SRGAP2: variants seen among roughly 807,000 people sequenced by gnomAD.
SRGAP2 encodes SLIT-ROBO Rho GTPase-activating protein 2.
SRGAP2 carries 15 observed loss-of-function variants against 57.2 expected under a neutral mutation model. The observed-to-expected ratio is 0.26, with a 90% CI of 0.18 to 0.40. The LOEUF (loss-of-function observed/expected upper bound fraction) is 0.40. Among genes scored for constraint, SRGAP2 ranks in the 10% least tolerant of loss-of-function variants. The pLI, the probability that SRGAP2 is intolerant of heterozygous loss-of-function variation, is 1.00. For synonymous variants in SRGAP2, 249 were observed against 248.0 expected (o/e 1.00, Z -0.04); for missense variants, 520 against 669.6 (o/e 0.78, Z 2.47).
rs1351567385 is a variant in SRGAP2 at position 206,221,364 on chromosome 1, T to C, written c.67+15327T>C. On this transcript the variant is annotated intron_variant, in intron 2 of 22. Transcript: ENST00000573034. Reference sequence around the variant, plus strand: ...TTTCTGTTGATTATAACACAATGCCTGAAACTGGGTAATTTGCAAAGAAAC... The same window carrying C: ...TTTCTGTTGATTATAACACAATGCCCGAAACTGGGTAATTTGCAAAGAAAC... Among the ~76,000 whole-genome samples the C allele has an allele frequency of 6.6e-5, 10 of 151,240 alleles. 1 individual carries two copies. The highest frequency in any genetic ancestry group is 3.4e-3 in the Middle Eastern group (1 of 292).
chr1:206,430,911 A>G (rs868974216), intron 14 of SRGAP2, among the ~76,000 whole-genome samples: 3 of 152,194 alleles, frequency 2.0e-5, no homozygotes. Flanking sequence ...CAGGGATTAG[A>G]GTGTTTATAA....
At chr1:206,253,573 C>CTTTTTTTTTTTT (rs71264673) in intron 2 of SRGAP2, among the ~76,000 whole-genome samples, 3 of 101,664 alleles carry the variant, frequency 3.0e-5, no homozygotes, top group African/African-American at 7.6e-5. Context: ...TTCTTTCTTT[C>CTTTTTTTTTTTT]TTTTTTTTTT....
chr1:206,385,759 C>A (rs1402415194), intron 5 of SRGAP2, among the ~76,000 whole-genome samples: 1 of 152,162 alleles, frequency 6.6e-6, no homozygotes, highest in African/African-American at 2.4e-5. Flanking sequence ...GCTGCTACCT[C>A]TGACTGCAGA....
chr1:206,281,801 T>G (rs1342655588), intron 2 of SRGAP2, among the ~76,000 whole-genome samples: 1 of 114,330 alleles, frequency 8.7e-6, no homozygotes, highest in African/African-American at 4.1e-5. Context: ...AGACTCTGTC[T>G]CAAAAAACAA....
At chr1:206,205,240 A>C (rs1257400870) in intron 1 of SRGAP2, 189 bp from the exon 2 acceptor site, 1 of 150,212 alleles carries the variant, frequency 6.7e-6, no homozygotes, top group East Asian at 2.0e-4. Flanking sequence ...GTTTTCTTTC[A>C]GCCTTAAAAT....
At chr1:206,295,144 TG>T (rs1671518344) in intron 2 of SRGAP2, among the ~76,000 whole-genome samples, 1 of 145,364 alleles carries the variant, frequency 6.9e-6, no homozygotes, top group African/African-American at 2.6e-5. Context: ...TCCACAAACT[TG>T]GAGGCCTACT....
chr1:206,440,871 T>G (rs1449475872), intron 17 of SRGAP2, among the ~76,000 whole-genome samples: 2 of 152,160 alleles, frequency 1.3e-5, no homozygotes, highest in Non-Finnish European at 2.9e-5. Context: ...GTGTATTTTA[T>G]TTTTTTAAAA....
intron 17 of SRGAP2, among the ~76,000 whole-genome samples, 200 bp from the exon 18 acceptor site, chr1:206,445,875 C>T (rs1553373545): frequency 1.3e-5 from 2 of 152,198 alleles, no homozygotes; most frequent in Admixed American, 1.3e-4. Context: ...CTCTAGTTTG[C>T]ATTTCCTGAG....
At chr1:206,230,307 C>A (rs574612419) in intron 2 of SRGAP2, among the ~76,000 whole-genome samples, 1 of 146,954 alleles carries the variant, frequency 6.8e-6, no homozygotes, top group African/African-American at 2.5e-5. Flanking sequence ...TAATTAATTA[C>A]GGAAATGCCT....
In SRGAP2 at chr1:206,417,786, C is replaced by A. The variant is rs369375614; in HGVS notation, c.1442-1587C>A. 1.1e-4 allele frequency among the ~76,000 whole-genome samples: 16 copies of A among 151,862 alleles called. No individual in the cohort carries two copies. The East Asian group carries it at 2.3e-3, about 22-fold the overall frequency. ...AGCTGGTTAGATAATTTCTATTCTT[C>A]TTCCTCACCACCGAAAGGACTCAGA... On this transcript the variant is annotated intron_variant, in intron 11 of 22. Transcript: ENST00000573034.
chr1:206,294,815 G>C (rs1671498022), intron 2 of SRGAP2, among the ~76,000 whole-genome samples: 1 of 151,696 alleles, frequency 6.6e-6, no homozygotes, highest in African/African-American at 2.4e-5. Flanking sequence ...CATTCATCAT[G>C]ACACAAACAT....
chr1:206,205,104 C>T (rs1665791177), intron 1 of SRGAP2: 2 of 152,104 alleles, frequency 1.3e-5, no homozygotes, highest in East Asian at 1.9e-4. Context: ...GGGAGGGCTC[C>T]CTCGGGCTGG....
intron 4 of SRGAP2, among the ~76,000 whole-genome samples, chr1:206,362,526 A>C (rs1676991019): frequency 6.7e-6 from 1 of 149,832 alleles, no homozygotes; most frequent in African/African-American, 2.5e-5. Context: ...GTTGGAGGAA[A>C]GAGGCTCTTG....
intron 10 of SRGAP2, among the ~76,000 whole-genome samples, chr1:206,415,299 T>C (rs1404995894): frequency 6.6e-6 from 1 of 152,254 alleles, no homozygotes; most frequent in South Asian, 2.1e-4. Flanking sequence ...GATGTGTGTA[T>C]GCAAGTCGGG....
At position 206,250,513 on chromosome 1, in the gene SRGAP2, C is replaced by T. The variant is rs368427836; in HGVS notation, c.67+44476C>T. Among the ~76,000 whole-genome samples the T allele has an allele frequency of 2.6e-3, 263 of 99,390 alleles. 61 individuals carry two copies. The highest frequency in any genetic ancestry group is 0.017 in the South Asian group (43 of 2,492). 65.2% of individuals were successfully genotyped at this position (99,390 alleles called of 152,430 possible). ...GGGTGAGTACTGTGAATGGGAACTACCCCAGATGTGTCAGGAGCACCACAG... is the reference window on the plus strand; with the variant it reads ...GGGTGAGTACTGTGAATGGGAACTATCCCAGATGTGTCAGGAGCACCACAG... On this transcript the variant is annotated intron_variant, in intron 2 of 22. Coordinates refer to ENST00000573034, the MANE Select transcript of SRGAP2 (RefSeq NM_015326.5).
chr1:206,454,913 C>G lies in SRGAP2; in HGVS notation c.2396C>G (p.Ser799Cys). Residue 799 changes from serine to cysteine, a missense_variant, in exon 21 of 23, where the codon TCT (serine) becomes TGT (cysteine). This residue lies in a region of SRGAP2 where 478 missense variants were observed against 373.6 expected (regional missense o/e 1.28). Coordinates refer to ENST00000573034, the MANE Select transcript of SRGAP2 (RefSeq NM_015326.5). This position sits in a 1 kb window ranked among gnomAD's most constrained non-coding sequence, Gnocchi z 4.3. ...GTCGTGGAGAGGTCCAGCCCCAAGT[C>G]TGAGATTGAGGTCATTTCTGAGCCA... ...DGVVERSSPK[S>C]EIEVISEPPE... 4 of 779,876 alleles carry G rather than the reference C, an allele frequency of 5.1e-6. No homozygotes were observed. Among genetic ancestry groups the G allele is most frequent in the Non-Finnish European group, 9.6e-6 (4 of 417,378 alleles). 48.3% of individuals were successfully genotyped at this position (779,876 alleles called of 1,614,324 possible). A position where few individuals can be genotyped will look rare whatever the true frequency, so the allele number is the denominator to read the frequency against.
chr1:206,340,679 T>A (rs2102911453), intron 3 of SRGAP2, among the ~76,000 whole-genome samples: 1 of 148,478 alleles, frequency 6.7e-6, no homozygotes, highest in South Asian at 2.2e-4. Flanking sequence ...ATTTAGAATT[T>A]TGTAACTGAA....
intron 11 of SRGAP2, among the ~76,000 whole-genome samples, chr1:206,416,506 C>G (rs1277213012): frequency 6.6e-6 from 1 of 152,194 alleles, no homozygotes; most frequent in Non-Finnish European, 1.5e-5. Flanking sequence ...GCAGCCCTCT[C>G]TCGTGTGGCT....
chr1:206,349,511 A>C (rs1675885193), intron 4 of SRGAP2, among the ~76,000 whole-genome samples: 1 of 120,828 alleles, frequency 8.3e-6, no homozygotes. Context: ...TGCCTCCCTC[A>C]AAAAAAAAAA....
Sources: gnomAD v4.1 joint callset for allele counts (sites outside exome capture counted in the v4.1 genomes callset) on GRCh38, gnomAD v4.1.1 for gene constraint, gnomAD v4.1.1 regional missense constraint, Gnocchi (gnomAD v3.1) non-coding constraint, MANE v1.5 for transcripts, NCBI Gene and HGNC (gene_info 2026-07-23, HGNC 2026-07-21) for gene names.